Variants in RGS9 observed in about 807,000 individuals in gnomAD.
RGS9 encodes regulator of G protein signaling 9, also known as regulator of G-protein signalling 9.
A neutral mutation model predicts 102.0 loss-of-function variants in RGS9; 78 were observed. The ratio of observed to expected loss-of-function variants is 0.76; its 90% CI spans 0.64 to 0.92. The LOEUF (loss-of-function observed/expected upper bound fraction) is 0.92, where lower values mean the gene tolerates loss of function less well. Among genes scored for constraint, RGS9 ranks in the 40% least tolerant of loss-of-function variants. The pLI is 0.00. For missense variants in RGS9, 833 were observed against 866.1 expected, an observed-to-expected ratio of 0.96 and a Z score of 0.48; for synonymous variants, 353 against 318.6, an observed-to-expected ratio of 1.11 and a Z score of -1.15.
chr17:65,205,270 T>C (rs965419103), intron 15 of RGS9, among the ~76,000 whole-genome samples: 1 of 152,208 alleles, frequency 6.6e-6, no homozygotes, highest in South Asian at 2.1e-4. Flanking sequence ...CTTCTCATTA[T>C]GGCAATGATT....
chr17:65,164,652 G>A lies in RGS9; in HGVS notation c.500+1563G>A, dbSNP rs183312796. On this transcript the variant is annotated intron_variant, in intron 7 of 18. Coordinates refer to ENST00000262406, the MANE Select transcript of RGS9 (RefSeq NM_003835.4). Reference sequence around the variant, plus strand: ...TCCGGGAAAAATAGATTCTTATGGCGGAACAGCTTTATTGCCCTCCAGGGG... The same window carrying A: ...TCCGGGAAAAATAGATTCTTATGGCAGAACAGCTTTATTGCCCTCCAGGGG... Among the ~76,000 whole-genome samples the A allele has an allele frequency of 2.0e-3, 298 of 152,174 alleles. 2 individuals are homozygous for A. Among genetic ancestry groups the A allele is most frequent in the African/African-American group, 3.6e-3 (149 of 41,488 alleles).
At chr17:65,139,038 GTCT>G (rs1910033638) in intron 1 of RGS9, among the ~76,000 whole-genome samples, 3 of 9,458 alleles carry the variant, frequency 3.2e-4, no homozygotes, top group Non-Finnish European at 1.1e-3. Context: ...CTCCACCTTA[GTCT>G]CCCTTCCTCC....
At chr17:65,170,664 TG>T (rs1488709567) in intron 8 of RGS9, among the ~76,000 whole-genome samples, 1 of 152,186 alleles carries the variant, frequency 6.6e-6, no homozygotes, top group East Asian at 1.9e-4. Flanking sequence ...GCCGAATGCC[TG>T]GGTTTACACG....
intron 1 of RGS9, among the ~76,000 whole-genome samples, chr17:65,151,661 C>G (rs761520962): frequency 9.9e-5 from 15 of 152,196 alleles, no homozygotes; most frequent in African/African-American, 3.6e-4. Flanking sequence ...AAGGCAGACA[C>G]CTTTGCTTCC....
chr17:65,165,613 C>T (rs540071840), intron 7 of RGS9, among the ~76,000 whole-genome samples: 1 of 152,238 alleles, frequency 6.6e-6, no homozygotes, highest in African/African-American at 2.4e-5. Context: ...ACTCTCCAAA[C>T]CTCTTCCTCC....
chr17:65,181,924 G>T (rs1162734586), intron 9 of RGS9, among the ~76,000 whole-genome samples: 1 of 152,202 alleles, frequency 6.6e-6, no homozygotes, highest in Non-Finnish European at 1.5e-5. Flanking sequence ...ATGTTGTCAT[G>T]CTATGAGAGA....
intron 17 of RGS9, among the ~76,000 whole-genome samples, chr17:65,214,207 C>A (rs765152553): frequency 6.6e-6 from 1 of 152,218 alleles, no homozygotes; most frequent in African/African-American, 2.4e-5. Flanking sequence ...AAGTGATGCA[C>A]CAACCTCAGC....
chr17:65,206,448 G>T (rs1158989403), intron 15 of RGS9, among the ~76,000 whole-genome samples: 1 of 152,188 alleles, frequency 6.6e-6, no homozygotes, highest in Non-Finnish European at 1.5e-5. Context: ...GGAAGGCTGA[G>T]GTGGGCAGAT....
chr17:65,202,149 G>C (rs1912873262), intron 14 of RGS9, 69 bp downstream of exon 14: 1 of 1,073,602 alleles, frequency 9.3e-7, no homozygotes, highest in Non-Finnish European at 1.4e-6. Flanking sequence ...TGTGCTTGAG[G>C]TGAAGATAGG....
At chr17:65,158,037 G>A (rs74489961) in intron 2 of RGS9, among the ~76,000 whole-genome samples, 4,859 of 152,220 alleles carry the variant, frequency 0.032, 273 homozygotes, top group African/African-American at 0.11. Context: ...AAGATGAAGC[G>A]TGTGTGTATG....
At chr17:65,208,860 C>CA (rs200412290) in intron 16 of RGS9, among the ~76,000 whole-genome samples, 5 of 151,576 alleles carry the variant, frequency 3.3e-5, no homozygotes, top group East Asian at 1.9e-4. Flanking sequence ...ACAACAACAA[C>CA]AAAAAAAACC....
At chr17:65,192,443 C>T (rs1241385427) in intron 11 of RGS9, among the ~76,000 whole-genome samples, 2 of 151,824 alleles carry the variant, frequency 1.3e-5, no homozygotes, top group African/African-American at 4.8e-5. Flanking sequence ...AGTGAGACCA[C>T]ATCTCTACAA....
At chr17:65,222,599 A>G (rs909164024) in intron 17 of RGS9, among the ~76,000 whole-genome samples, 1 of 152,212 alleles carries the variant, frequency 6.6e-6, no homozygotes, top group African/African-American at 2.4e-5. Flanking sequence ...TGTAGTAGAT[A>G]CTTGATACAT....
rs369619980 is a variant in RGS9 at position 65,226,265 on chromosome 17, G to A, written c.1892+779G>A. On this transcript the variant is annotated intron_variant, in intron 18 of 18. Transcript: ENST00000262406. ...TGAGTTTTGGGGGAGACAGTCAGGG[G>A]CACCCCTGCACCAATCAACATGTGT... Among the ~76,000 whole-genome samples the A allele has an allele frequency of 1.5e-3, 234 of 152,330 alleles. 1 individual carries two copies. The highest frequency in any genetic ancestry group is 5.2e-3 in the African/African-American group (217 of 41,582).
chr17:65,146,077 AT>A (rs900175522), intron 1 of RGS9, among the ~76,000 whole-genome samples: 9 of 151,410 alleles, frequency 5.9e-5, no homozygotes, highest in African/African-American at 1.5e-4. Context: ...TTATAACTCG[AT>A]TTTTTTTTAA....
At chr17:65,219,831 C>G (rs764781836) in intron 17 of RGS9, among the ~76,000 whole-genome samples, 9 of 152,064 alleles carry the variant, frequency 5.9e-5, no homozygotes, top group Non-Finnish European at 1.0e-4. Context: ...TCACTATCAC[C>G]ATTATCACCA....
At chr17:65,164,780 G>A (rs1006499751) in intron 7 of RGS9, among the ~76,000 whole-genome samples, 1 of 152,176 alleles carries the variant, frequency 6.6e-6, no homozygotes, top group Non-Finnish European at 1.5e-5. Flanking sequence ...CATTTGAGGC[G>A]AAACAACACG....
At chr17:65,190,285 C>T in intron 11 of RGS9, 49 bp downstream of exon 11, 1 of 1,445,040 alleles carries the variant, frequency 6.9e-7, no homozygotes, top group Non-Finnish European at 9.8e-7. Context: ...AACAGGTAGA[C>T]AAGAGGAGAA....
At chr17:65,177,857 G>A (rs1168639204) in intron 9 of RGS9, 54 bp downstream of exon 9, 53 of 1,412,306 alleles carry the variant, frequency 3.8e-5, no homozygotes, top group East Asian at 1.1e-4. Flanking sequence ...CTGGGGCTGG[G>A]AAGGTGTCCA....
Sources: allele counts gnomAD v4.1 joint callset (sites outside exome capture counted in the v4.1 genomes callset), GRCh38; gene constraint gnomAD v4.1.1; transcripts MANE v1.5; gene names NCBI Gene and HGNC (gene_info 2026-07-23, HGNC 2026-07-21).